Variants in CSMD3 observed in about 807,000 individuals in gnomAD.
CSMD3 encodes CUB and sushi domain-containing protein 3.
Under a neutral mutation model 435.2 loss-of-function variants are expected in CSMD3, and 177 were observed. That is an observed-to-expected ratio of 0.41 (90% CI 0.36 to 0.46). The LOEUF is 0.46. Ranked by LOEUF, CSMD3 falls within the 20% of genes least tolerant of loss-of-function variation. CSMD3 has a pLI of 0.34. For synonymous variants in CSMD3, 1,656 were observed against 1,520.5 expected (o/e 1.09, Z -2.07); for missense variants, 4,265 against 4,504.6 (o/e 0.95, Z 1.52).
chr8:113,045,286 T>C (rs745459532), intron 5 of CSMD3, among the ~76,000 whole-genome samples: 4 of 149,238 alleles, frequency 2.7e-5, no homozygotes, highest in Non-Finnish European at 6.0e-5. Context: ...CTGCATATAT[T>C]GGTTACTCAA....
intron 22 of CSMD3, among the ~76,000 whole-genome samples, chr8:112,617,406 A>G (rs1833743636): frequency 6.6e-6 from 1 of 152,194 alleles, no homozygotes; most frequent in Admixed American, 6.6e-5. Flanking sequence ...TGTTTAAAAC[A>G]CAAGTAAAAT....
At chr8:112,903,603 T>C (rs1270248375) in intron 10 of CSMD3, among the ~76,000 whole-genome samples, 1 of 151,166 alleles carries the variant, frequency 6.6e-6, no homozygotes, top group East Asian at 2.0e-4. Context: ...TGGAGCCTTT[T>C]TTTTAAGAAG....
chr8:113,305,042 A>G (rs1417571302), intron 2 of CSMD3, among the ~76,000 whole-genome samples: 2 of 150,954 alleles, frequency 1.3e-5, no homozygotes, highest in Admixed American at 6.6e-5. Flanking sequence ...TCAGTAAACT[A>G]TCGCAAGAAC....
chr8:113,072,776 T>C (rs1564281783), intron 5 of CSMD3, among the ~76,000 whole-genome samples: 1 of 151,558 alleles, frequency 6.6e-6, no homozygotes, highest in Non-Finnish European at 1.5e-5. Context: ...TTCTAGCTGA[T>C]GAGCAAATTT....
chr8:113,353,790 A>T lies in CSMD3; in HGVS notation c.179-38997T>A, dbSNP rs1034148484. Among the ~76,000 whole-genome samples, 4 of 152,072 alleles carry T rather than the reference A, an allele frequency of 2.6e-5. No homozygotes were observed. The South Asian group carries it at 6.2e-4, about 24-fold the overall frequency. On this transcript the variant is annotated intron_variant, in intron 1 of 70. Transcript: ENST00000297405. Reference sequence around the variant, plus strand: ...ATCATGTAAGGTTAGCTCTATAAATAGTATTTTGTGATTTTGAATTTTATG... The same window carrying T: ...ATCATGTAAGGTTAGCTCTATAAATTGTATTTTGTGATTTTGAATTTTATG...
chr8:113,394,175 CA>C lies in CSMD3; in HGVS notation c.178+42501del, dbSNP rs2094473201. 2.6e-5 allele frequency among the ~76,000 whole-genome samples: 4 copies of C among 151,634 alleles called. No individual in the cohort carries two copies. The South Asian group carries it at 6.2e-4, about 24-fold the overall frequency. On this transcript the variant is annotated intron_variant, in intron 1 of 70. Transcript: ENST00000297405. ...TTGTTGAATTACACACACACACACACACACACACACACACACAAGGGGTTTA... is the reference window on the plus strand; with the variant it reads ...TTGTTGAATTACACACACACACACACCACACACACACACACAAGGGGTTTA...
chr8:112,812,711 T>A (rs1476965349), intron 12 of CSMD3, among the ~76,000 whole-genome samples: 7 of 152,184 alleles, frequency 4.6e-5, no homozygotes, highest in Non-Finnish European at 1.0e-4. Flanking sequence ...ATACATCTTT[T>A]TGAATGTATT....
chr8:113,265,831 TA>T (rs2132384502), intron 3 of CSMD3, among the ~76,000 whole-genome samples: 1 of 151,630 alleles, frequency 6.6e-6, no homozygotes, highest in African/African-American at 2.4e-5. Context: ...AGGTTGACTT[TA>T]TGGGCCTCTA....
intron 11 of CSMD3, among the ~76,000 whole-genome samples, chr8:112,851,009 T>G (rs1278793421): frequency 6.6e-6 from 1 of 152,208 alleles, no homozygotes; most frequent in East Asian, 1.9e-4. Flanking sequence ...AATATAACAT[T>G]ATATTTTAGT....
intron 5 of CSMD3, among the ~76,000 whole-genome samples, chr8:113,072,587 C>T (rs543729975): frequency 7.2e-5 from 11 of 151,910 alleles, no homozygotes; most frequent in South Asian, 2.1e-4. Context: ...TTCTCAGTCT[C>T]GCTTGAATTC....
chr8:113,301,543 C>A (rs2093767841), intron 2 of CSMD3, among the ~76,000 whole-genome samples: 3 of 151,164 alleles, frequency 2.0e-5, no homozygotes, highest in Non-Finnish European at 4.4e-5. Flanking sequence ...TTTTTAATTA[C>A]CACAAAAATG....
chr8:112,271,445 T>C (rs955628787), intron 59 of CSMD3, among the ~76,000 whole-genome samples: 7 of 152,146 alleles, frequency 4.6e-5, no homozygotes, highest in African/African-American at 1.7e-4. Context: ...CTACTTATTA[T>C]AGTATGTCAT....
chr8:113,217,203 G>A (rs2132109889), intron 3 of CSMD3, among the ~76,000 whole-genome samples: 1 of 141,880 alleles, frequency 7.0e-6, no homozygotes, highest in South Asian at 2.2e-4. Context: ...TGCCAGTAAA[G>A]TTTCTGATGT....
intron 1 of CSMD3, among the ~76,000 whole-genome samples, chr8:113,414,265 T>C (rs2094571794): frequency 6.6e-6 from 1 of 152,222 alleles, no homozygotes; most frequent in Non-Finnish European, 1.5e-5. Context: ...TTAGACTATA[T>C]TTAAAAACAA....
intron 45 of CSMD3, among the ~76,000 whole-genome samples, chr8:112,321,882 A>G (rs559684448): frequency 1.9e-4 from 29 of 152,214 alleles, no homozygotes; most frequent in South Asian, 1.9e-3. Flanking sequence ...TTTTGATAAA[A>G]TGTTTGGTGG....
chr8:112,694,396 C>A (rs989151268), intron 13 of CSMD3, among the ~76,000 whole-genome samples: 1 of 152,086 alleles, frequency 6.6e-6, no homozygotes, highest in African/African-American at 2.4e-5. Context: ...CCTACAGCCT[C>A]AAAACAATTG....
chr8:113,178,477 A>T (rs1564396569), intron 3 of CSMD3, among the ~76,000 whole-genome samples: 1 of 151,950 alleles, frequency 6.6e-6, no homozygotes, highest in Non-Finnish European at 1.5e-5. Context: ...GGAGTTTATG[A>T]TTTGGTGGCT....
Position 112,556,797 on chromosome 8 carries a change from T to C in CSMD3, c.4200A>G (p.Arg1400=). 6.2e-7 allele frequency: 1 copy of C among 1,612,302 alleles called. No homozygotes were observed. The highest frequency in any genetic ancestry group is 8.5e-7 in the Non-Finnish European group (1 of 1,178,834). Residue 1400 remains arginine, a synonymous_variant, in exon 25 of 71, where the codon AGA becomes AGG. Coordinates refer to ENST00000297405, the MANE Select transcript of CSMD3 (RefSeq NM_198123.2). ...SSLLKCMTGE[R]RAWDYPLPSC... Reference sequence around the variant, plus strand: ...AAGGCAGAGGATAGTCCCATGCCCTTCTCTCCCCTGTCATGCACTTGAGAA... The same window carrying C: ...AAGGCAGAGGATAGTCCCATGCCCTCCTCTCCCCTGTCATGCACTTGAGAA...
At chr8:112,333,128 G>T (rs1437368869) in intron 45 of CSMD3, among the ~76,000 whole-genome samples, 2 of 152,014 alleles carry the variant, frequency 1.3e-5, no homozygotes, top group Non-Finnish European at 2.9e-5. Context: ...GAAAATCAAG[G>T]GTTAAATGAA....
Sources: gnomAD v4.1 joint callset for allele counts (sites outside exome capture counted in the v4.1 genomes callset) on GRCh38, gnomAD v4.1.1 for gene constraint, MANE v1.5 for transcripts, NCBI Gene and HGNC (gene_info 2026-07-23, HGNC 2026-07-21) for gene names.